BPGM: variants seen among roughly 807,000 people sequenced by gnomAD.
BPGM encodes 2,3-bisphosphoglycerate mutase, erythrocyte.
In BPGM, 15 loss-of-function variants were observed where a neutral mutation model predicts 21.6. The observed-to-expected ratio is 0.70, with a 90% CI of 0.47 to 1.07. The LOEUF (loss-of-function observed/expected upper bound fraction) is 1.07. Ranked by LOEUF, BPGM falls within the 50% of genes least tolerant of loss-of-function variation. BPGM has a pLI of 0.00. For missense variants in BPGM, 273 were observed against 319.0 expected (o/e 0.86, Z 1.10); for synonymous variants, 113 against 116.2 (o/e 0.97, Z 0.18).
At chr7:134,662,224 T>C in intron 2 of BPGM, 116 bp downstream of exon 2, 1 of 1,369,008 alleles carries the variant, frequency 7.3e-7, no homozygotes, top group African/African-American at 1.4e-5. Flanking sequence ...TCCCCCTTTG[T>C]CACTTCAGAT....
At position 134,646,903 on chromosome 7, in the gene BPGM, T is replaced by C; in HGVS notation, c.-96T>C. The C allele has an allele frequency of 5.3e-6, 1 of 188,282 alleles. No individual in the cohort carries two copies. Among genetic ancestry groups the C allele is most frequent in the Non-Finnish European group, 1.1e-5 (1 of 87,328 alleles). 11.7% of individuals were successfully genotyped at this position (188,282 alleles called of 1,614,324 possible). A position where few individuals can be genotyped will look rare whatever the true frequency, so the allele number is the denominator to read the frequency against. On this transcript the variant is annotated 5_prime_UTR_variant, in exon 1 of 3. Transcript: ENST00000344924. ...TTTGGCGGCTCGGAGGAGCGGCTGC[T>C]GCTGCTGCTGCTGCTGCTGGTGGCC...
intron 1 of BPGM, among the ~76,000 whole-genome samples, chr7:134,650,781 C>T (rs1469615830): frequency 6.6e-6 from 1 of 152,136 alleles, no homozygotes; most frequent in Non-Finnish European, 1.5e-5. Context: ...AAAAATTAGC[C>T]GGGCGTGGTG....
rs372793210 is a variant in BPGM at position 134,672,257 on chromosome 7, A to T, written c.602-6596A>T. Reference sequence around the variant, plus strand: ...ACTTAAAGGCAGACTTTAAGTATTTAACACAGACTTAAAGACTTTAACACA... The same window carrying T: ...ACTTAAAGGCAGACTTTAAGTATTTTACACAGACTTAAAGACTTTAACACA... On this transcript the variant is annotated intron_variant, in intron 2 of 2. Coordinates refer to ENST00000344924, the MANE Select transcript of BPGM (RefSeq NM_001724.5). Among the ~76,000 whole-genome samples, 217 of 151,408 alleles carry T rather than the reference A, an allele frequency of 1.4e-3. 5 individuals carry two copies. The South Asian group carries it at 0.043, about 30-fold the overall frequency.
chr7:134,648,741 G>A (rs575977496), intron 1 of BPGM, among the ~76,000 whole-genome samples: 6 of 152,076 alleles, frequency 3.9e-5, no homozygotes, highest in South Asian at 2.1e-4. Context: ...GGGCAGTGGC[G>A]CAATCTCTGC....
intron 1 of BPGM, among the ~76,000 whole-genome samples, chr7:134,655,302 C>T (rs1006123093): frequency 6.6e-6 from 1 of 152,090 alleles, no homozygotes; most frequent in African/African-American, 2.4e-5. Flanking sequence ...CTCAAGAGTA[C>T]TAATAAGGTG....
At chr7:134,667,810 G>A (rs1363997485) in intron 2 of BPGM, among the ~76,000 whole-genome samples, 1 of 152,074 alleles carries the variant, frequency 6.6e-6, no homozygotes, top group African/African-American at 2.4e-5. Context: ...TCTCTAAACT[G>A]CTTGACAAGC....
intron 2 of BPGM, among the ~76,000 whole-genome samples, chr7:134,669,940 A>T (rs1795878653): frequency 6.6e-6 from 1 of 152,112 alleles, no homozygotes; most frequent in South Asian, 2.1e-4. Context: ...CCGTGAAAAC[A>T]TCTAACGCAG....
At chr7:134,659,408 T>C (rs1795695171) in intron 1 of BPGM, among the ~76,000 whole-genome samples, 1 of 151,066 alleles carries the variant, frequency 6.6e-6, no homozygotes, top group African/African-American at 2.4e-5. Context: ...TGTGTGTGTG[T>C]GTGTTCATCA....
intron 2 of BPGM, among the ~76,000 whole-genome samples, chr7:134,674,892 A>T (rs1795963004): frequency 6.6e-6 from 1 of 152,166 alleles, no homozygotes; most frequent in South Asian, 2.1e-4. Flanking sequence ...GTGTATTATG[A>T]TTCCAGTTTC....
At chr7:134,671,450 C>T (rs1422850822) in intron 2 of BPGM, among the ~76,000 whole-genome samples, 3 of 151,626 alleles carry the variant, frequency 2.0e-5, no homozygotes, top group Non-Finnish European at 4.4e-5. Flanking sequence ...CAAGCTCCAC[C>T]TCCCAGGTTC....
chr7:134,647,846 C>A (rs2131407840), intron 1 of BPGM, among the ~76,000 whole-genome samples: 1 of 152,110 alleles, frequency 6.6e-6, no homozygotes, highest in Admixed American at 6.5e-5. Flanking sequence ...CAGGCTGGAG[C>A]GACTGCAGTG....
intron 1 of BPGM, among the ~76,000 whole-genome samples, chr7:134,648,125 T>C (rs576011968): frequency 2.3e-4 from 23 of 98,828 alleles, no homozygotes; most frequent in African/African-American, 1.1e-3. Flanking sequence ...TTCTTTCTTT[T>C]GTTTTGGTTT....
At chr7:134,659,372 C>CGTGTGTGTGT (rs66893203) in intron 1 of BPGM, among the ~76,000 whole-genome samples, 45 of 145,388 alleles carry the variant, frequency 3.1e-4, no homozygotes, top group African/African-American at 8.1e-4. Context: ...CACACCCCTC[C>CGTGTGTGTGT]GTGTGTGTGT....
intron 1 of BPGM, among the ~76,000 whole-genome samples, chr7:134,656,189 TTGAGAACCACTGGCCTACA>T (rs1433121419): frequency 3.9e-5 from 6 of 152,190 alleles, no homozygotes; most frequent in African/African-American, 1.4e-4. Flanking sequence ...ACATTAAAGT[TTGAGAACCACTGGCCTACA>T]GGAACTAACA....
chr7:134,656,086 T>C (rs1395320026), intron 1 of BPGM, among the ~76,000 whole-genome samples: 1 of 152,214 alleles, frequency 6.6e-6, no homozygotes, highest in East Asian at 1.9e-4. Flanking sequence ...CCTGAGGACT[T>C]GCTAGAAATG....
chr7:134,659,281 G>A (rs907907772), intron 1 of BPGM, among the ~76,000 whole-genome samples: 4 of 152,064 alleles, frequency 2.6e-5, no homozygotes, highest in African/African-American at 9.7e-5. Context: ...ATGGAGCTGA[G>A]GCTTCTACTA....
intron 2 of BPGM, among the ~76,000 whole-genome samples, chr7:134,663,294 A>G (rs926958566): frequency 2.0e-5 from 3 of 152,218 alleles, no homozygotes; most frequent in Admixed American, 2.0e-4. Flanking sequence ...GCTGACATCC[A>G]TTAGTCATGC....
chr7:134,657,524 A>T (rs1364439), intron 1 of BPGM, among the ~76,000 whole-genome samples: 88,433 of 151,966 alleles, frequency 0.58, 26,751 homozygotes, highest in East Asian at 0.89. Context: ...GACTTTCAAC[A>T]TTGAAGCTCC....
At chr7:134,665,961 T>A (rs1181577244) in intron 2 of BPGM, among the ~76,000 whole-genome samples, 1 of 152,154 alleles carries the variant, frequency 6.6e-6, no homozygotes, top group African/African-American at 2.4e-5. Flanking sequence ...CACTGCAACC[T>A]TCGCCTCCTG....
Sources: allele counts gnomAD v4.1 joint callset (sites outside exome capture counted in the v4.1 genomes callset), GRCh38; gene constraint gnomAD v4.1.1; transcripts MANE v1.5; gene names NCBI Gene and HGNC (gene_info 2026-07-23, HGNC 2026-07-21).